RASSF8: variants seen among roughly 807,000 people sequenced by gnomAD.
RASSF8 encodes ras association domain-containing protein 8.
RASSF8 carries 22 observed loss-of-function variants against 48.5 expected under a neutral mutation model. That is an observed-to-expected ratio of 0.45 (90% CI 0.32 to 0.65). RASSF8 has a LOEUF of 0.65. RASSF8 is among the 30% of genes least tolerant of loss of function. The pLI is 0.03. For synonymous variants in RASSF8, 127 were observed against 171.5 expected (o/e 0.74, Z 2.03); for missense variants, 418 against 489.2 (o/e 0.85, Z 1.37).
chr12:25,974,904 C>A (rs1941569355), intron 1 of RASSF8, among the ~76,000 whole-genome samples: 1 of 152,052 alleles, frequency 6.6e-6, no homozygotes, highest in African/African-American at 2.4e-5. Flanking sequence ...TTCATTCATT[C>A]AATATCTGTG....
chr12:26,049,983 G>A (rs1240605583), intron 2 of RASSF8, among the ~76,000 whole-genome samples: 1 of 151,910 alleles, frequency 6.6e-6, no homozygotes, highest in Admixed American at 6.6e-5. Context: ...ACAGGGTTTC[G>A]TGTGTTAGTC....
intron 2 of RASSF8, among the ~76,000 whole-genome samples, chr12:25,998,287 C>T (rs1050403960): frequency 6.6e-6 from 1 of 151,632 alleles, no homozygotes; most frequent in Non-Finnish European, 1.5e-5. Flanking sequence ...AAATTTGTAT[C>T]CAGACATCAT....
chr12:25,986,828 TC>T (rs1941887688), intron 1 of RASSF8, among the ~76,000 whole-genome samples: 1 of 152,238 alleles, frequency 6.6e-6, no homozygotes, highest in Non-Finnish European at 1.5e-5. Flanking sequence ...CCTTTCGTTA[TC>T]CACTTCTCCC....
chr12:26,001,412 A>G (rs1942254600), intron 2 of RASSF8, among the ~76,000 whole-genome samples: 1 of 152,080 alleles, frequency 6.6e-6, no homozygotes, highest in African/African-American at 2.4e-5. Context: ...AGCTTACTAT[A>G]TAACTTTTTT....
chr12:25,966,588 A>G (rs761964278), intron 1 of RASSF8, among the ~76,000 whole-genome samples: 12 of 152,164 alleles, frequency 7.9e-5, no homozygotes, highest in Non-Finnish European at 1.5e-4. Context: ...CTATCTTTGT[A>G]TCTTCTTTGG....
At chr12:25,977,653 G>A (rs1041267948) in intron 1 of RASSF8, among the ~76,000 whole-genome samples, 2 of 147,968 alleles carry the variant, frequency 1.4e-5, no homozygotes, top group Admixed American at 6.8e-5. Context: ...TAGTATACAA[G>A]TTAAAATATT....
At chr12:25,994,277 TTAA>T (rs764157263) in intron 1 of RASSF8, among the ~76,000 whole-genome samples, 18,811 of 78,364 alleles carry the variant, frequency 0.24, 1,349 homozygotes, top group East Asian at 0.36. Flanking sequence ...GGATAGATTT[TTAA>T]AAAAAAAAAA....
At chr12:25,991,691 T>C (rs1325789166) in intron 1 of RASSF8, among the ~76,000 whole-genome samples, 2 of 152,186 alleles carry the variant, frequency 1.3e-5, no homozygotes, top group Non-Finnish European at 2.9e-5. Context: ...GTCTGGCTTA[T>C]ATCAGGACAA....
At chr12:26,027,256 A>G (rs774611367) in intron 2 of RASSF8, among the ~76,000 whole-genome samples, 16 of 152,228 alleles carry the variant, frequency 1.1e-4, no homozygotes, top group South Asian at 2.1e-4. Context: ...GAATGTCCCA[A>G]AAGTAACTGG....
At chr12:25,981,515 G>A (rs969647499) in intron 1 of RASSF8, among the ~76,000 whole-genome samples, 2 of 152,138 alleles carry the variant, frequency 1.3e-5, no homozygotes, top group African/African-American at 4.8e-5. Flanking sequence ...TCCCTAACTT[G>A]GAATATTCAG....
chr12:25,995,372 GCAT>G (rs1417853993), intron 2 of RASSF8, among the ~76,000 whole-genome samples: 1 of 152,166 alleles, frequency 6.6e-6, no homozygotes, highest in Admixed American at 6.5e-5. Context: ...GACACTAAAA[GCAT>G]CATAAAATAT....
Position 26,071,949 on chromosome 12 carries a change from A to G in RASSF8, c.*3131A>G. ...GATAATTTTCTCTGTGAATAAGAGC[A>G]AAATGGTCTTCAGAGAAACAGACTG... On this transcript the variant is annotated 3_prime_UTR_variant, in exon 6 of 6. Transcript: ENST00000689635. The G allele has an allele frequency of 1.0e-6, 1 of 985,424 alleles. No homozygotes were observed. Among genetic ancestry groups the G allele is most frequent in the Non-Finnish European group, 1.2e-6 (1 of 829,888 alleles). 61.0% of individuals were successfully genotyped at this position (985,424 alleles called of 1,614,324 possible). A position where few individuals can be genotyped will look rare whatever the true frequency, so the allele number is the denominator to read the frequency against.
At chr12:25,979,807 TG>T (rs1941695620) in intron 1 of RASSF8, among the ~76,000 whole-genome samples, 1 of 151,866 alleles carries the variant, frequency 6.6e-6, no homozygotes, top group South Asian at 2.1e-4. Flanking sequence ...GTGTAAGTGT[TG>T]GGGAAACAGA....
chr12:25,982,400 A>G (rs986929098), intron 1 of RASSF8, among the ~76,000 whole-genome samples: 1 of 152,258 alleles, frequency 6.6e-6, no homozygotes, highest in Admixed American at 6.5e-5. Context: ...ACAGAAGCTC[A>G]GTATAATGGC....
chr12:26,063,500 G>A (rs1054554650), intron 3 of RASSF8, among the ~76,000 whole-genome samples: 5 of 151,994 alleles, frequency 3.3e-5, no homozygotes, highest in African/African-American at 7.2e-5. Flanking sequence ...AGGATCAGGC[G>A]ATTCTCCTAT....
Position 26,055,242 on chromosome 12 carries a change from A to G in RASSF8, c.-102A>G, listed in dbSNP as rs1273170250. 2 of 929,468 alleles carry G rather than the reference A, an allele frequency of 2.2e-6. No individual in the cohort carries two copies. The highest frequency in any genetic ancestry group is 1.8e-5 in the Admixed American group (1 of 55,670). 57.6% of individuals were successfully genotyped at this position (929,468 alleles called of 1,614,324 possible). On this transcript the variant is annotated 5_prime_UTR_variant, in exon 3 of 6. Transcript: ENST00000689635. ...ATTTTTTGCCCTTTTTTAGCTGACT[A>G]CACAGACTTAGTCTTCTCCACTCCG...
chr12:26,061,266 TTA>T (rs1428461662), intron 3 of RASSF8, among the ~76,000 whole-genome samples: 1 of 152,168 alleles, frequency 6.6e-6, no homozygotes, highest in East Asian at 1.9e-4. Flanking sequence ...TTTCAAAATG[TTA>T]TGTTACTTTA....
chr12:26,029,737 C>T (rs920024858), intron 2 of RASSF8, among the ~76,000 whole-genome samples: 1 of 151,856 alleles, frequency 6.6e-6, no homozygotes, highest in Non-Finnish European at 1.5e-5. Context: ...TAAATGTTGA[C>T]CATTATTATT....
intron 2 of RASSF8, among the ~76,000 whole-genome samples, chr12:26,042,216 T>C (rs1263454067): frequency 1.3e-5 from 2 of 152,210 alleles, no homozygotes; most frequent in African/African-American, 4.8e-5. Context: ...ACCTGCTGTG[T>C]TGTGTTCACT....
Sources: gnomAD v4.1 joint callset for allele counts (sites outside exome capture counted in the v4.1 genomes callset) on GRCh38, gnomAD v4.1.1 for gene constraint, MANE v1.5 for transcripts, NCBI Gene and HGNC (gene_info 2026-07-23, HGNC 2026-07-21) for gene names.